ARFGEF3: variants seen among roughly 807,000 people sequenced by gnomAD.
ARFGEF3 encodes the protein brefeldin A-inhibited guanine nucleotide-exchange protein 3.
A neutral mutation model predicts 221.7 loss-of-function variants in ARFGEF3; 96 were observed. The ratio of observed to expected loss-of-function variants is 0.43; its 90% CI spans 0.37 to 0.51. The LOEUF (loss-of-function observed/expected upper bound fraction) is 0.51, where lower values mean the gene tolerates loss of function less well. ARFGEF3 is among the 20% of genes least tolerant of loss of function. ARFGEF3 has a pLI of 0.00. For missense variants in ARFGEF3, 2,410 were observed against 2,789.9 expected, an observed-to-expected ratio of 0.86 and a Z score of 3.07; for synonymous variants, 1,145 against 1,126.8, an observed-to-expected ratio of 1.02 and a Z score of -0.32.
chr6:138,292,096 A>G (rs944320790), intron 19 of ARFGEF3, 43 bp downstream of exon 19: 8 of 1,363,146 alleles, frequency 5.9e-6, no homozygotes, highest in Non-Finnish European at 7.6e-6. Context: ...CCTGCTTACC[A>G]GGCGACACCC....
intron 8 of ARFGEF3, among the ~76,000 whole-genome samples, chr6:138,251,645 C>T (rs1457854488): frequency 2.0e-5 from 3 of 152,110 alleles, no homozygotes; most frequent in African/African-American, 7.2e-5. Flanking sequence ...ACCCTCACAC[C>T]CTGTGCTTTA....
rs924975911 is a variant in ARFGEF3, at chr6:138,294,962, T to G, written c.3502+836T>G. The stretch of plus-strand genomic sequence containing the variant: ...TGATTTTTTCACCCTTGCTGCAGAT[T>G]TAGATTTGAGAACCACAGTTGTTTC... On this transcript the variant is annotated intron_variant, in intron 20 of 33. Transcript: ENST00000251691. 5.3e-5 allele frequency among the ~76,000 whole-genome samples: 8 copies of G among 152,204 alleles called. No individual in the cohort carries two copies. In the South Asian group the frequency reaches 1.7e-3, roughly 31 times the overall value.
intron 19 of ARFGEF3, among the ~76,000 whole-genome samples, chr6:138,292,652 C>T (rs1293256504): frequency 2.0e-5 from 3 of 152,036 alleles, no homozygotes; most frequent in Non-Finnish European, 4.4e-5. Flanking sequence ...CACTGTGTCC[C>T]AGACCCCCGG....
intron 26 of ARFGEF3, 83 bp from the exon 27 acceptor site, chr6:138,317,168 A>G (rs1185496246): frequency 6.8e-7 from 1 of 1,481,148 alleles, no homozygotes; most frequent in Non-Finnish European, 9.2e-7. Context: ...TTGGCAGTTT[A>G]CATACAATGT....
chr6:138,187,842 A>G (rs1183580698), intron 2 of ARFGEF3, among the ~76,000 whole-genome samples: 2 of 152,196 alleles, frequency 1.3e-5, no homozygotes, highest in Admixed American at 6.5e-5. Context: ...CTAAAAAGGC[A>G]TCGGGTGGAG....
chr6:138,162,197 C>G lies in ARFGEF3; in HGVS notation c.85+26C>G. On this transcript the variant is annotated intron_variant, in intron 1 of 33. Transcript: ENST00000251691. This position sits in a 1 kb window ranked among gnomAD's most constrained non-coding sequence, Gnocchi z 4.7. ...GTAAGCGTCCGGCACCTGCTCGCCG[C>G]GGCGGGAGGGCCGCGCGGCCGGGGC... 6.4e-7 allele frequency: 1 copy of G among 1,568,684 alleles called. No homozygotes were observed. The highest frequency in any genetic ancestry group is 8.7e-7 in the Non-Finnish European group (1 of 1,151,134).
chr6:138,162,203 G>C lies in ARFGEF3; in HGVS notation c.85+32G>C. On this transcript the variant is annotated intron_variant, in intron 1 of 33. Transcript: ENST00000251691. This position sits in a 1 kb window ranked among gnomAD's most constrained non-coding sequence, Gnocchi z 4.7. ...GTCCGGCACCTGCTCGCCGCGGCGG[G>C]AGGGCCGCGCGGCCGGGGCTGAACC... 5 of 1,552,792 alleles carry C rather than the reference G, an allele frequency of 3.2e-6. No individual in the cohort carries two copies. Among genetic ancestry groups the C allele is most frequent in the Non-Finnish European group, 4.4e-6 (5 of 1,137,882 alleles).
At chr6:138,251,298 A>C (rs1778578233) in intron 8 of ARFGEF3, among the ~76,000 whole-genome samples, 1 of 152,190 alleles carries the variant, frequency 6.6e-6, no homozygotes, top group Non-Finnish European at 1.5e-5. Context: ...GTGATGCTAG[A>C]CTGACAGTTT....
At chr6:138,202,725 A>G (rs1777560308) in intron 2 of ARFGEF3, among the ~76,000 whole-genome samples, 1 of 152,138 alleles carries the variant, frequency 6.6e-6, no homozygotes, top group Admixed American at 6.6e-5. Flanking sequence ...CATTTTAAGT[A>G]AATATCTGTT....
At chr6:138,172,024 T>C (rs1242825563) in intron 2 of ARFGEF3, among the ~76,000 whole-genome samples, 2 of 152,206 alleles carry the variant, frequency 1.3e-5, no homozygotes, top group African/African-American at 2.4e-5. Context: ...TTTAAGTAGA[T>C]TGAACAAAAT....
At chr6:138,225,099 G>C (rs1778058051) in intron 4 of ARFGEF3, among the ~76,000 whole-genome samples, 1 of 152,164 alleles carries the variant, frequency 6.6e-6, no homozygotes, top group African/African-American at 2.4e-5. Context: ...ATGCGCAACA[G>C]TCAATTCATT....
chr6:138,185,980 C>T lies in ARFGEF3; in HGVS notation c.137+15267C>T, dbSNP rs142090402. Among the ~76,000 whole-genome samples the T allele has an allele frequency of 9.3e-4, 141 of 152,294 alleles. 4 individuals are homozygous for T. In the East Asian group the frequency reaches 0.025, roughly 27 times the overall value. ...CATTCTAATGATAAGGGCACTGAGG[C>T]TTGAGTGATAAAATCACTTGCTTGA... is the stretch of plus-strand genomic sequence containing the variant. On this transcript the variant is annotated intron_variant, in intron 2 of 33. Coordinates refer to ENST00000251691, the MANE Select transcript of ARFGEF3 (RefSeq NM_020340.5).
At chr6:138,330,765 T>C (rs1780214599) in intron 32 of ARFGEF3, among the ~76,000 whole-genome samples, 1 of 152,218 alleles carries the variant, frequency 6.6e-6, no homozygotes, top group Non-Finnish European at 1.5e-5. Flanking sequence ...TAATAATTTT[T>C]GGGGTCAATT....
chr6:138,302,440 C>T (rs1366994604), intron 22 of ARFGEF3, among the ~76,000 whole-genome samples: 2 of 152,112 alleles, frequency 1.3e-5, no homozygotes, highest in African/African-American at 2.4e-5. Context: ...AACAAAGCCT[C>T]AGAGATTTGT....
intron 12 of ARFGEF3, 74 bp from the exon 13 acceptor site, chr6:138,278,377 C>T (rs911190914): frequency 3.2e-5 from 44 of 1,378,090 alleles, no homozygotes; most frequent in Admixed American, 8.8e-5. Flanking sequence ...ACGATGGGTT[C>T]GCAGCTCTCT....
chr6:138,278,403 C>T (rs1420440510), intron 12 of ARFGEF3, 48 bp from the exon 13 acceptor site: 1 of 1,582,136 alleles, frequency 6.3e-7, no homozygotes, highest in Non-Finnish European at 8.6e-7. Context: ...CCAGCCTTGC[C>T]AAGCACACTG....
chr6:138,288,650 A>T (rs1436775315), intron 17 of ARFGEF3, among the ~76,000 whole-genome samples: 2 of 152,144 alleles, frequency 1.3e-5, no homozygotes, highest in Admixed American at 6.5e-5. Context: ...AAGCCACTGC[A>T]CTCCAGCCTG....
At chr6:138,297,816 T>C (rs182461556) in intron 21 of ARFGEF3, among the ~76,000 whole-genome samples, 338 of 152,314 alleles carry the variant, frequency 2.2e-3, no homozygotes, top group African/African-American at 7.7e-3. Context: ...GTTCTGGTGT[T>C]GGCCAGGGGT....
intron 2 of ARFGEF3, among the ~76,000 whole-genome samples, chr6:138,182,886 G>A (rs1327836418): frequency 6.6e-6 from 1 of 152,120 alleles, no homozygotes; most frequent in Non-Finnish European, 1.5e-5. Flanking sequence ...TTAAGTGAGA[G>A]CAGACCTATG....
Sources: gnomAD v4.1 joint callset for allele counts (sites outside exome capture counted in the v4.1 genomes callset) on GRCh38, gnomAD v4.1.1 for gene constraint, Gnocchi (gnomAD v3.1) non-coding constraint, MANE v1.5 for transcripts, NCBI Gene and HGNC (gene_info 2026-07-23, HGNC 2026-07-21) for gene names.